The following LRRC37A variants were observed in gnomAD, a reference collection of about 807,000 sequenced individuals.
LRRC37A encodes leucine-rich repeat-containing protein 37A.
In LRRC37A, 3 loss-of-function variants were observed where a neutral mutation model predicts 35.4. The observed-to-expected ratio is 0.08, with a 90% confidence interval of 0.04 to 0.22. LRRC37A has a LOEUF of 0.22. Ranked by LOEUF, LRRC37A falls within the 10% of genes least tolerant of loss-of-function variation. LRRC37A has a pLI of 1.00. For synonymous variants in LRRC37A, 23 were observed against 215.0 expected, an observed-to-expected ratio of 0.11 and a Z score of 7.81; for missense variants, 67 against 565.3, an observed-to-expected ratio of 0.12 and a Z score of 8.94.
At chr17:46,268,785 A>T in the LRRC37A span, 1 of 955,920 alleles carries the variant, frequency 1.0e-6, no homozygotes, top group Non-Finnish European at 1.4e-6. Context: ...CCTTTAGAAG[A>T]GAGCCCAAAG....
the LRRC37A span, among the ~76,000 whole-genome samples, chr17:46,282,148 G>T: frequency 6.6e-6 from 1 of 152,004 alleles, no homozygotes; most frequent in Non-Finnish European, 1.5e-5. Flanking sequence ...TGTCTCCCAG[G>T]CTGGAGTGCA....
chr17:46,268,019 A>G, the LRRC37A span, among the ~76,000 whole-genome samples: 14 of 149,380 alleles, frequency 9.4e-5, no homozygotes, highest in African/African-American at 3.0e-4. Context: ...TCCTGCCCTC[A>G]GCCTCCCAAG....
the LRRC37A span, among the ~76,000 whole-genome samples, chr17:46,261,972 C>A: frequency 2.0e-5 from 3 of 151,258 alleles, no homozygotes; most frequent in Non-Finnish European, 4.4e-5. Context: ...TTTTTTGAGA[C>A]AGGTTCTTGC....
chr17:46,288,658 C>T (rs74400447), upstream of LRRC37A, among the ~76,000 whole-genome samples: 8,238 of 150,226 alleles, frequency 0.055, 178 homozygotes, highest in Middle Eastern at 0.11. Context: ...AGGTCACTTT[C>T]GTCACCATCT....
chr17:46,264,033 A>G, the LRRC37A span, among the ~76,000 whole-genome samples: 1 of 152,126 alleles, frequency 6.6e-6, no homozygotes, highest in Non-Finnish European at 1.5e-5. Context: ...AAATAAACAT[A>G]AAATAATGAA....
chr17:46,255,911 G>A, the LRRC37A span, among the ~76,000 whole-genome samples: 1 of 151,770 alleles, frequency 6.6e-6, no homozygotes, highest in Non-Finnish European at 1.5e-5. Flanking sequence ...TCCTGACCTC[G>A]TGATCTGCCT....
intron 5 of LRRC37A, among the ~76,000 whole-genome samples, chr17:46,317,162 C>G (rs550053872): frequency 5.0e-3 from 411 of 82,574 alleles, no homozygotes; most frequent in Middle Eastern, 0.026. Context: ...CGGGCAGAGG[C>G]GCTCCTCACA....
the LRRC37A span, among the ~76,000 whole-genome samples, chr17:46,253,633 C>T: frequency 6.6e-6 from 1 of 152,042 alleles, no homozygotes; most frequent in East Asian, 1.9e-4. Context: ...CCTGCAATCG[C>T]AGGCACTTGG....
chr17:46,262,328 C>A, the LRRC37A span, among the ~76,000 whole-genome samples: 4 of 152,134 alleles, frequency 2.6e-5, no homozygotes, highest in African/African-American at 9.7e-5. Context: ...GCCACTGCGC[C>A]CGGCCGATCT....
the LRRC37A span, among the ~76,000 whole-genome samples, chr17:46,282,420 T>TG: frequency 7.3e-5 from 11 of 151,200 alleles, no homozygotes; most frequent in Middle Eastern, 3.2e-3. Flanking sequence ...TTTGTTTGTT[T>TG]TTTTTTTTTA....
the LRRC37A span, among the ~76,000 whole-genome samples, chr17:46,266,867 C>T: frequency 6.7e-6 from 1 of 150,270 alleles, no homozygotes; most frequent in Non-Finnish European, 1.5e-5. Context: ...GCGCCGCGGG[C>T]CCGCGACGGA....
chr17:46,252,902 C>G, the LRRC37A span, among the ~76,000 whole-genome samples: 1 of 148,784 alleles, frequency 6.7e-6, no homozygotes, highest in African/African-American at 2.4e-5. Flanking sequence ...ACCTCCCGGA[C>G]GGGGCGGCTG....
chr17:46,273,283 A>G, the LRRC37A span, among the ~76,000 whole-genome samples: 1 of 152,262 alleles, frequency 6.6e-6, no homozygotes, highest in African/African-American at 2.4e-5. Flanking sequence ...AGGACAAAAT[A>G]ATCCATATTT....
chr17:46,248,114 C>A, the LRRC37A span, among the ~76,000 whole-genome samples: 1 of 151,938 alleles, frequency 6.6e-6, no homozygotes. Flanking sequence ...GTCCCACTTA[C>A]AACACTTAAG....
the LRRC37A span, among the ~76,000 whole-genome samples, chr17:46,253,776 G>A: frequency 2.0e-5 from 3 of 150,916 alleles, no homozygotes; most frequent in Non-Finnish European, 3.0e-5. Flanking sequence ...GGAGGGGGAG[G>A]GGAGGGGGAG....
the LRRC37A span, among the ~76,000 whole-genome samples, chr17:46,256,439 T>C: frequency 3.9e-5 from 6 of 152,012 alleles, no homozygotes; most frequent in Non-Finnish European, 7.4e-5. Context: ...CAGAGAGCCT[T>C]TCTTCTCTTT....
At chr17:46,262,325 C>T in the LRRC37A span, among the ~76,000 whole-genome samples, 6 of 152,308 alleles carry the variant, frequency 3.9e-5, no homozygotes, top group East Asian at 9.7e-4. Context: ...TGAGCCACTG[C>T]GCCCGGCCGA....
chr17:46,253,194 G>A, the LRRC37A span, among the ~76,000 whole-genome samples: 2 of 147,696 alleles, frequency 1.4e-5, no homozygotes, highest in South Asian at 2.2e-4. Flanking sequence ...CAGACGGGGC[G>A]GCGGGGCAGA....
the LRRC37A span, among the ~76,000 whole-genome samples, chr17:46,280,451 G>A: frequency 6.6e-6 from 1 of 152,242 alleles, no homozygotes; most frequent in Non-Finnish European, 1.5e-5. Flanking sequence ...AGGTTGGCGG[G>A]AGGATCGCTT....
Sources: gnomAD v4.1 joint callset for allele counts (sites outside exome capture counted in the v4.1 genomes callset) on GRCh38, gnomAD v4.1.1 for gene constraint, MANE v1.5 for transcripts, NCBI Gene and HGNC (gene_info 2026-07-23, HGNC 2026-07-21) for gene names.